ADCYAP1R1: variants seen among roughly 807,000 people sequenced by gnomAD.
The protein encoded by ADCYAP1R1 is ADCYAP receptor type I.
ADCYAP1R1 carries 44 observed loss-of-function variants against 67.6 expected under a neutral mutation model. The observed-to-expected ratio is 0.65, with a 90% confidence interval of 0.51 to 0.84. The LOEUF is 0.84. Among genes scored for constraint, ADCYAP1R1 ranks in the 40% least tolerant of loss-of-function variants. The pLI is 0.00. For missense variants in ADCYAP1R1, 477 were observed against 587.9 expected (o/e 0.81, Z 1.95); for synonymous variants, 222 against 219.6 (o/e 1.01, Z -0.10).
At chr7:31,053,459 G>A (rs996272273) in intron 1 of ADCYAP1R1, among the ~76,000 whole-genome samples, 1 of 152,208 alleles carries the variant, frequency 6.6e-6, no homozygotes, top group Non-Finnish European at 1.5e-5. Flanking sequence ...CCACATCCTC[G>A]GCGGGACCTT....
chr7:31,085,523 C>T lies in ADCYAP1R1; in HGVS notation c.669+81C>T, dbSNP rs1319243267. 2.8e-5 allele frequency: 41 copies of T among 1,477,654 alleles called. No individual in the cohort carries two copies. In the East Asian group the frequency reaches 8.6e-4, roughly 31 times the overall value. 91.5% of individuals were successfully genotyped at this position (1,477,654 alleles called of 1,614,324 possible). The stretch of plus-strand genomic sequence containing the variant: ...CCTTGGTTCCCCAGGACGCACATTA[C>T]CTGCCTGACACCCTGCAGATCAAGT... On this transcript the variant is annotated intron_variant, in intron 9 of 15. Transcript: ENST00000304166.
rs180742070 is a variant in ADCYAP1R1, at chr7:31,086,004, C to T, written c.670-380C>T. Reference sequence around the variant, plus strand: ...ATTTCTGGAAGCTAGGAATATGTATCCCCCCACCTGAAAGGTGTCCAAATC... The same window carrying T: ...ATTTCTGGAAGCTAGGAATATGTATTCCCCCACCTGAAAGGTGTCCAAATC... On this transcript the variant is annotated intron_variant, in intron 9 of 15. Transcript: ENST00000304166. This position sits in a 1 kb window ranked among gnomAD's most constrained non-coding sequence, Gnocchi z 5.0. Among the ~76,000 whole-genome samples, 208 of 152,260 alleles carry T rather than the reference C, an allele frequency of 1.4e-3. 1 individual carries two copies. The highest frequency in any genetic ancestry group is 2.4e-3 in the Admixed American group (36 of 15,312).
intron 1 of ADCYAP1R1, among the ~76,000 whole-genome samples, chr7:31,053,219 C>T (rs1039668706): frequency 6.6e-6 from 1 of 152,236 alleles, no homozygotes; most frequent in African/African-American, 2.4e-5. Context: ...GTGTAGAATG[C>T]CCCTCTGTGG....
intron 13 of ADCYAP1R1, among the ~76,000 whole-genome samples, chr7:31,097,128 G>A (rs1463393634): frequency 1.3e-5 from 2 of 152,238 alleles, no homozygotes; most frequent in Non-Finnish European, 2.9e-5. Context: ...CTGTGGCGTA[G>A]CCAGCCCCAG....
At chr7:31,068,616 G>T (rs1417689173) in intron 3 of ADCYAP1R1, among the ~76,000 whole-genome samples, 1 of 152,184 alleles carries the variant, frequency 6.6e-6, no homozygotes, top group Non-Finnish European at 1.5e-5. Context: ...GGGTGTTTGT[G>T]TTTCTAAGGC....
intron 3 of ADCYAP1R1, among the ~76,000 whole-genome samples, chr7:31,067,703 C>A (rs1794800340): frequency 6.6e-6 from 1 of 152,176 alleles, no homozygotes; most frequent in Admixed American, 6.5e-5. Flanking sequence ...GGCGCAGCAC[C>A]AGCCATGGGA....
intron 3 of ADCYAP1R1, among the ~76,000 whole-genome samples, chr7:31,068,171 G>A (rs1317754115): frequency 6.6e-6 from 1 of 152,014 alleles, no homozygotes; most frequent in Non-Finnish European, 1.5e-5. Context: ...CGGGCACTGG[G>A]TTCTCTGTCT....
intron 1 of ADCYAP1R1, among the ~76,000 whole-genome samples, chr7:31,053,690 C>T (rs1021362215): frequency 1.3e-5 from 2 of 152,258 alleles, no homozygotes; most frequent in African/African-American, 4.8e-5. Flanking sequence ...GTGCGTCAGA[C>T]TCCCTTTATC....
In ADCYAP1R1 at chr7:31,110,133, TC is replaced by T. The variant is rs1796802323; in HGVS notation, c.*3450del. On this transcript the variant is annotated 3_prime_UTR_variant, in exon 16 of 16. Coordinates refer to ENST00000304166, the MANE Select transcript of ADCYAP1R1 (RefSeq NM_001118.5). ...GGAAAGCTCAAAGGGACTCTCTCTC[TC>T]TCTCTCTTTTTTTTTTTTTTTGAGT... is the stretch of plus-strand genomic sequence containing the variant. 1 of 146,538 alleles carries T rather than the reference TC, an allele frequency of 6.8e-6. No homozygotes were observed. 9.1% of individuals were successfully genotyped at this position (146,538 alleles called of 1,614,324 possible). A position where few individuals can be genotyped will look rare whatever the true frequency, so the allele number is the denominator to read the frequency against.
intron 3 of ADCYAP1R1, among the ~76,000 whole-genome samples, chr7:31,065,727 G>A (rs1794709164): frequency 6.6e-6 from 1 of 152,182 alleles, no homozygotes; most frequent in African/African-American, 2.4e-5. Context: ...ATTTAGGGGA[G>A]GGGGCATCAC....
rs1440645636 is a variant in ADCYAP1R1, at chr7:31,052,499, C to G, written c.-251C>G. The G allele has an allele frequency of 6.7e-6, 1 of 150,160 alleles. No homozygotes were observed. Among genetic ancestry groups the G allele is most frequent in the Non-Finnish European group, 1.5e-5 (1 of 67,366 alleles). The allele number at this position is 150,160 out of a possible 1,614,324, so 9.3% of individuals were successfully genotyped here. A position where few individuals can be genotyped will look rare whatever the true frequency, so the allele number is the denominator to read the frequency against. On this transcript the variant is annotated 5_prime_UTR_variant, in exon 1 of 16. Coordinates refer to ENST00000304166, the MANE Select transcript of ADCYAP1R1 (RefSeq NM_001118.5). ...CCGCGTGCGCACACGCACACGCCGC[C>G]GCGCAGGGACACACGGACCCCGGCC...
intron 5 of ADCYAP1R1, 92 bp downstream of exon 5, chr7:31,080,725 A>T: frequency 3.8e-5 from 51 of 1,339,498 alleles, no homozygotes; most frequent in Non-Finnish European, 4.7e-5. Context: ...GGCTGCTGGG[A>T]TTGGGGTGGG....
chr7:31,099,428 T>C (rs570320884), intron 13 of ADCYAP1R1, among the ~76,000 whole-genome samples: 1 of 152,190 alleles, frequency 6.6e-6, no homozygotes, highest in African/African-American at 2.4e-5. Flanking sequence ...GGTTTTTAAT[T>C]TGATTAATTT....
intron 5 of ADCYAP1R1, 99 bp from the exon 6 acceptor site, chr7:31,081,614 T>G: frequency 1.1e-6 from 1 of 944,426 alleles, no homozygotes; most frequent in Non-Finnish European, 1.6e-6. Context: ...CCCTACTTCC[T>G]GTAGACCAGG....
At chr7:31,091,062 T>C (rs990031519) in intron 12 of ADCYAP1R1, among the ~76,000 whole-genome samples, 7 of 152,344 alleles carry the variant, frequency 4.6e-5, no homozygotes, top group African/African-American at 1.7e-4. Flanking sequence ...CCCTTTTCTC[T>C]GCTGCCTCCC....
At position 31,086,757 on chromosome 7, in the gene ADCYAP1R1, C is replaced by A. The variant is rs139745700; in HGVS notation, c.824-186C>A. 2.6e-3 allele frequency among the ~76,000 whole-genome samples: 400 copies of A among 152,246 alleles called. 2 individuals are homozygous for A. Among genetic ancestry groups the A allele is most frequent in the African/African-American group, 9.1e-3 (378 of 41,548 alleles). Reference sequence around the variant, plus strand: ...TTAAATCCAGGAGTCCTCTGAGAGACAAGACAGCCCTTGGTCTGAGGGAGA... The same window carrying A: ...TTAAATCCAGGAGTCCTCTGAGAGAAAAGACAGCCCTTGGTCTGAGGGAGA... On this transcript the variant is annotated intron_variant, in intron 10 of 15. Transcript: ENST00000304166. The surrounding 1 kb of genome is among the most constrained non-coding windows in gnomAD (Gnocchi z 5.0).
At chr7:31,103,099 A>G in intron 13 of ADCYAP1R1, 138 bp from the exon 14 acceptor site, 1 of 1,215,364 alleles carries the variant, frequency 8.2e-7, no homozygotes, top group Non-Finnish European at 1.1e-6. Flanking sequence ...GTACTGGGAG[A>G]GAATGCTGAG....
intron 1 of ADCYAP1R1, 43 bp from the exon 2 acceptor site, chr7:31,063,151 C>G: frequency 7.5e-7 from 1 of 1,331,384 alleles, no homozygotes; most frequent in Non-Finnish European, 1.1e-6. Flanking sequence ...CCCCCGGCCA[C>G]TGCACTGGGC....
chr7:31,106,963 G>T lies in ADCYAP1R1; in HGVS notation c.*279G>T, dbSNP rs984823165. 12 of 417,290 alleles carry T rather than the reference G, an allele frequency of 2.9e-5. No individual in the cohort carries two copies. Among genetic ancestry groups the T allele is most frequent in the African/African-American group, 2.3e-4 (11 of 48,462 alleles). 25.8% of individuals were successfully genotyped at this position (417,290 alleles called of 1,614,324 possible). A position where few individuals can be genotyped will look rare whatever the true frequency, so the allele number is the denominator to read the frequency against. On this transcript the variant is annotated 3_prime_UTR_variant, in exon 16 of 16. Coordinates refer to ENST00000304166, the MANE Select transcript of ADCYAP1R1 (RefSeq NM_001118.5). ...TCCCATCCCTTCCCCCTTTGCCCCA[G>T]TGTCCCTGCTCACTTCCAGTCAGGT...
Sources: gnomAD v4.1 joint callset for allele counts (sites outside exome capture counted in the v4.1 genomes callset) on GRCh38, gnomAD v4.1.1 for gene constraint, Gnocchi (gnomAD v3.1) non-coding constraint, MANE v1.5 for transcripts, NCBI Gene and HGNC (gene_info 2026-07-23, HGNC 2026-07-21) for gene names.